The following CCDC201 variants were observed in gnomAD, a reference collection of about 807,000 sequenced individuals.
The protein encoded by CCDC201 is coiled-coil domain containing 201, also known as coiled-coil domain-containing protein 201.
At chr7:45,883,793 GTATT>G in the CCDC201 span, among the ~76,000 whole-genome samples, 5 of 151,970 alleles carry the variant, frequency 3.3e-5, no homozygotes, top group African/African-American at 1.2e-4. Context: ...ATTTGTTAAA[GTATT>G]TGTTTACTAT....
rs143771194 is a variant in CCDC201, at chr7:45,871,042, A to C, written c.18+1948T>G. On this transcript the variant is annotated intron_variant, in intron 1 of 2. Transcript: ENST00000636578. ...ACTAATCTATTTATAAAAGTGATCTAAAAATCAGTACTTAAATGTTGATAA... is the reference window on the plus strand; with the variant it reads ...ACTAATCTATTTATAAAAGTGATCTCAAAATCAGTACTTAAATGTTGATAA... 3.3e-5 allele frequency among the ~76,000 whole-genome samples: 5 copies of C among 152,314 alleles called. No homozygotes were observed. The East Asian group carries it at 9.6e-4, about 29-fold the overall frequency.
At chr7:45,865,389 C>G (rs1276604944) in intron 2 of CCDC201, among the ~76,000 whole-genome samples, 1 of 152,220 alleles carries the variant, frequency 6.6e-6, no homozygotes, top group Non-Finnish European at 1.5e-5. Flanking sequence ...GCAAACCTGG[C>G]TATGGTGAAG....
chr7:45,884,858 T>C, the CCDC201 span, among the ~76,000 whole-genome samples: 1 of 151,976 alleles, frequency 6.6e-6, no homozygotes, highest in African/African-American at 2.4e-5. Flanking sequence ...TGTGGCTCAG[T>C]GTAGGGCATC....
At chr7:45,882,806 T>G in the CCDC201 span, among the ~76,000 whole-genome samples, 1 of 152,330 alleles carries the variant, frequency 6.6e-6, no homozygotes, top group Non-Finnish European at 1.5e-5. Context: ...TTAATACCCT[T>G]TTTTGCTCAG....
chr7:45,880,353 C>G, the CCDC201 span, among the ~76,000 whole-genome samples: 3 of 152,212 alleles, frequency 2.0e-5, no homozygotes, highest in African/African-American at 7.2e-5. Flanking sequence ...AGTCCAAGTC[C>G]CCCAAAAGTA....
chr7:45,868,716 C>A (rs1228046713), intron 1 of CCDC201, among the ~76,000 whole-genome samples: 1 of 152,184 alleles, frequency 6.6e-6, no homozygotes, highest in Non-Finnish European at 1.5e-5. Context: ...TGCATCCACT[C>A]TGGGGAGGAC....
chr7:45,870,230 T>A (rs138260905), intron 1 of CCDC201, among the ~76,000 whole-genome samples: 1 of 152,234 alleles, frequency 6.6e-6, no homozygotes, highest in Non-Finnish European at 1.5e-5. Context: ...ACTTGCATAG[T>A]GGTTTTGATT....
chr7:45,860,936 A>C (rs1009800776), exon 3 of CCDC201: 1 of 152,260 alleles, frequency 6.6e-6, no homozygotes, highest in African/African-American at 2.4e-5. Flanking sequence ...AAACATAGTA[A>C]GTACATTGTG....
chr7:45,885,073 CAAGA>C, the CCDC201 span, among the ~76,000 whole-genome samples: 1 of 152,120 alleles, frequency 6.6e-6, no homozygotes, highest in Non-Finnish European at 1.5e-5. Context: ...TAGAGTCCTG[CAAGA>C]AAGAGTTTCC....
At chr7:45,870,036 C>T (rs188774934) in intron 1 of CCDC201, among the ~76,000 whole-genome samples, 33 of 152,198 alleles carry the variant, frequency 2.2e-4, no homozygotes, top group African/African-American at 6.3e-4. Flanking sequence ...AGGCTGGTCT[C>T]GAACAGATGA....
chr7:45,866,131 G>T, exon 2 of CCDC201: 1 of 199,092 alleles, frequency 5.0e-6, no homozygotes, highest in Non-Finnish European at 1.0e-5. Flanking sequence ...TTTGCCCGGA[G>T]GGACTCTTGC....
intron 1 of CCDC201, among the ~76,000 whole-genome samples, chr7:45,870,759 C>T (rs1340522611): frequency 1.3e-5 from 2 of 151,382 alleles, no homozygotes; most frequent in Non-Finnish European, 2.9e-5. Context: ...TGCTAGATCA[C>T]GGGGCGGGCG....
At chr7:45,867,410 T>C (rs1786690306) in intron 1 of CCDC201, among the ~76,000 whole-genome samples, 1 of 152,210 alleles carries the variant, frequency 6.6e-6, no homozygotes, top group South Asian at 2.1e-4. Flanking sequence ...AGTGCCCAGT[T>C]ACAATGTCTG....
chr7:45,878,051 C>T (rs780125071), upstream of CCDC201, among the ~76,000 whole-genome samples: 8 of 152,326 alleles, frequency 5.3e-5, no homozygotes, highest in Middle Eastern at 6.8e-3. Context: ...AAGTCTGAAA[C>T]CCAGCAGGGC....
the CCDC201 span, among the ~76,000 whole-genome samples, chr7:45,878,494 G>A: frequency 6.6e-6 from 1 of 152,334 alleles, no homozygotes; most frequent in Admixed American, 6.5e-5. Flanking sequence ...TCTTGCCTCT[G>A]TGCACACACA....
intron 2 of CCDC201, among the ~76,000 whole-genome samples, chr7:45,863,966 C>A (rs554282993): frequency 1.5e-4 from 23 of 152,170 alleles, no homozygotes; most frequent in Non-Finnish European, 2.9e-4. Context: ...CTAAGCACCA[C>A]TGCTGGCCAG....
exon 3 of CCDC201, chr7:45,861,345 T>C (rs1053572719): frequency 2.0e-5 from 3 of 150,840 alleles, no homozygotes; most frequent in African/African-American, 2.4e-5. Context: ...CCCAATAATA[T>C]ATAAGTTATA....
intron 1 of CCDC201, among the ~76,000 whole-genome samples, chr7:45,867,978 A>C (rs1191068684): frequency 6.6e-6 from 1 of 152,224 alleles, no homozygotes; most frequent in Non-Finnish European, 1.5e-5. Context: ...AAGTGGTGGG[A>C]AAGTATATTA....
At chr7:45,865,423 T>A (rs13236342) in intron 2 of CCDC201, among the ~76,000 whole-genome samples, 1 of 152,136 alleles carries the variant, frequency 6.6e-6, no homozygotes, top group Non-Finnish European at 1.5e-5. Flanking sequence ...GTCACAATGG[T>A]CCATGGAAAG....
Sources: gnomAD v4.1 joint callset for allele counts (sites outside exome capture counted in the v4.1 genomes callset) on GRCh38, gnomAD v4.1.1 for gene constraint, MANE v1.5 for transcripts, NCBI Gene and HGNC (gene_info 2026-07-23, HGNC 2026-07-21) for gene names.